The following HYCC2 variants were observed in gnomAD, a reference collection of about 807,000 sequenced individuals.
HYCC2 encodes hyccin 2.
the HYCC2 span, among the ~76,000 whole-genome samples, chr2:201,052,954 A>G: frequency 6.6e-6 from 1 of 152,198 alleles, no homozygotes; most frequent in South Asian, 2.1e-4. Context: ...AAGAAGCACC[A>G]GAAAGATTAG....
At chr2:201,008,946 G>T in the HYCC2 span, 2 of 1,329,860 alleles carry the variant, frequency 1.5e-6, no homozygotes, top group African/African-American at 1.4e-5. Flanking sequence ...CATACAAGTT[G>T]TTACTATATA....
chr2:201,026,920 C>G, the HYCC2 span, among the ~76,000 whole-genome samples: 3 of 152,022 alleles, frequency 2.0e-5, no homozygotes, highest in Non-Finnish European at 4.4e-5. Flanking sequence ...GAAGCAAGAG[C>G]AAATACATTC....
the HYCC2 span, among the ~76,000 whole-genome samples, chr2:201,035,819 T>C: frequency 1.3e-5 from 2 of 152,302 alleles, no homozygotes; most frequent in East Asian, 3.9e-4. Flanking sequence ...TTCCTTCTAA[T>C]AGTCAGGACC....
chr2:200,997,488 T>C, the HYCC2 span: 1 of 1,613,708 alleles, frequency 6.2e-7, no homozygotes. Context: ...GAGGCAGGCA[T>C]ATATACAATA....
the HYCC2 span, chr2:200,996,309 G>A: frequency 6.6e-6 from 1 of 152,140 alleles, no homozygotes; most frequent in African/African-American, 2.4e-5. Context: ...ATGGGCCACT[G>A]ACCCTGGCCT....
At chr2:201,005,546 G>A in the HYCC2 span, among the ~76,000 whole-genome samples, 3 of 152,186 alleles carry the variant, frequency 2.0e-5, no homozygotes, top group Non-Finnish European at 4.4e-5. Context: ...CTAAAGGCCT[G>A]ATGGGCTAGG....
At chr2:201,060,474 T>A in the HYCC2 span, among the ~76,000 whole-genome samples, 14 of 152,162 alleles carry the variant, frequency 9.2e-5, no homozygotes, top group African/African-American at 2.7e-4. Context: ...CCTTTCTTCC[T>A]CCTTTCTTCT....
At chr2:201,053,273 C>A in the HYCC2 span, among the ~76,000 whole-genome samples, 2 of 152,082 alleles carry the variant, frequency 1.3e-5, no homozygotes, top group Non-Finnish European at 2.9e-5. Context: ...TAGGTGCCCA[C>A]CACCACGCCC....
the HYCC2 span, among the ~76,000 whole-genome samples, chr2:201,029,149 T>C: frequency 6.6e-6 from 1 of 152,262 alleles, no homozygotes; most frequent in African/African-American, 2.4e-5. Flanking sequence ...GGGCAAAGCA[T>C]ATGAACAGAC....
At chr2:201,013,406 G>A in the HYCC2 span, among the ~76,000 whole-genome samples, 1 of 151,086 alleles carries the variant, frequency 6.6e-6, no homozygotes, top group Admixed American at 6.6e-5. Flanking sequence ...GGAAGTAAAC[G>A]TTGCAGAGAG....
At chr2:200,990,066 C>T in the HYCC2 span, among the ~76,000 whole-genome samples, 5 of 151,966 alleles carry the variant, frequency 3.3e-5, no homozygotes, top group East Asian at 9.7e-4. Context: ...TAGCACTTCC[C>T]TTTAATATAA....
At chr2:200,990,755 TA>T in the HYCC2 span, among the ~76,000 whole-genome samples, 1 of 152,178 alleles carries the variant, frequency 6.6e-6, no homozygotes, top group Admixed American at 6.6e-5. Flanking sequence ...GTATTTTTAG[TA>T]GAGATGGGGT....
chr2:201,040,576 C>G, the HYCC2 span, among the ~76,000 whole-genome samples: 2 of 151,902 alleles, frequency 1.3e-5, no homozygotes, highest in African/African-American at 2.4e-5. Flanking sequence ...GCAACCTCCA[C>G]CTCCCAGATT....
the HYCC2 span, among the ~76,000 whole-genome samples, chr2:201,028,964 A>G: frequency 1.3e-5 from 2 of 152,248 alleles, no homozygotes; most frequent in African/African-American, 4.8e-5. Context: ...ATGGGATCTA[A>G]TTAAACTAAA....
At chr2:201,041,495 G>A in the HYCC2 span, among the ~76,000 whole-genome samples, 4 of 152,188 alleles carry the variant, frequency 2.6e-5, no homozygotes, top group Non-Finnish European at 5.9e-5. Flanking sequence ...TTAAGTGGCT[G>A]GCTCCTTCTG....
the HYCC2 span, chr2:200,997,692 A>T: frequency 5.2e-6 from 3 of 577,394 alleles, no homozygotes; most frequent in East Asian, 9.0e-5. Context: ...TATTCTCCTT[A>T]TTACAAATCA....
At chr2:201,046,295 T>C in the HYCC2 span, among the ~76,000 whole-genome samples, 1 of 152,224 alleles carries the variant, frequency 6.6e-6, no homozygotes, top group Non-Finnish European at 1.5e-5. Flanking sequence ...AATACTGTGA[T>C]AAAATTCTCT....
the HYCC2 span, among the ~76,000 whole-genome samples, chr2:201,057,724 A>C: frequency 6.6e-6 from 1 of 152,076 alleles, no homozygotes; most frequent in African/African-American, 2.4e-5. Flanking sequence ...AAAGGAAAGA[A>C]GGAAAAAAAA....
chr2:201,024,924 C>T, the HYCC2 span, among the ~76,000 whole-genome samples: 1 of 151,878 alleles, frequency 6.6e-6, no homozygotes, highest in East Asian at 1.9e-4. Context: ...GCCTGGGCAA[C>T]ATGGTGAGAC....
Sources: gnomAD v4.1 joint callset for allele counts (sites outside exome capture counted in the v4.1 genomes callset) on GRCh38, gnomAD v4.1.1 for gene constraint, MANE v1.5 for transcripts, NCBI Gene and HGNC (gene_info 2026-07-23, HGNC 2026-07-21) for gene names.